PIBF1: variants seen among roughly 807,000 people sequenced by gnomAD.
PIBF1 encodes the protein progesterone-induced-blocking factor 1.
PIBF1 carries 90 observed loss-of-function variants against 112.5 expected under a neutral mutation model. That is an observed-to-expected ratio of 0.80 (90% CI 0.67 to 0.95). The LOEUF is 0.95. Ranked by LOEUF, PIBF1 falls within the 40% of genes least tolerant of loss-of-function variation. PIBF1 has a pLI of 0.00. For synonymous variants in PIBF1, 301 were observed against 288.6 expected (o/e 1.04, Z -0.44); for missense variants, 915 against 852.3 (o/e 1.07, Z -0.92).
At chr13:72,914,615 A>G (rs1566441619) in intron 12 of PIBF1, among the ~76,000 whole-genome samples, 2 of 152,126 alleles carry the variant, frequency 1.3e-5, no homozygotes, top group Admixed American at 6.6e-5. Context: ...ACAGGGTCTC[A>G]CTGTGTTGCC....
chr13:72,872,227 G>T (rs1246923782), intron 10 of PIBF1, among the ~76,000 whole-genome samples: 1 of 152,096 alleles, frequency 6.6e-6, no homozygotes, highest in Admixed American at 6.5e-5. Context: ...GATTATTACG[G>T]GATTCAGTAA....
chr13:72,793,204 A>T (rs1437963905), intron 3 of PIBF1, among the ~76,000 whole-genome samples: 1 of 152,338 alleles, frequency 6.6e-6, no homozygotes, highest in Admixed American at 6.5e-5. Context: ...AAATCAAATC[A>T]TACCTCTGTA....
At chr13:72,786,910 T>C (rs2034629143) in intron 2 of PIBF1, among the ~76,000 whole-genome samples, 1 of 152,210 alleles carries the variant, frequency 6.6e-6, no homozygotes, top group South Asian at 2.1e-4. Flanking sequence ...AGCACCTCTG[T>C]TGTAAGATGC....
At chr13:72,901,167 C>T (rs1212526672) in intron 11 of PIBF1, 4 of 343,126 alleles carry the variant, frequency 1.2e-5, no homozygotes, top group Admixed American at 3.9e-5. Flanking sequence ...ATCTATATAT[C>T]TGACAAAGGA....
chr13:72,827,741 C>G lies in PIBF1; in HGVS notation c.924C>G (p.Thr308=). ...TTTCTACATGTATGTAGGTAGTCACCTTAGAGCAAACTGTTACTTTACTGC... is the reference window on the plus strand; with the variant it reads ...TTTCTACATGTATGTAGGTAGTCACGTTAGAGCAAACTGTTACTTTACTGC... ...ERSELSKEVV[T]LEQTVTLLQK... The change falls in exon 8 of 18, where the codon ACC becomes ACG. Residue 308 remains threonine, a synonymous_variant. Transcript: ENST00000326291. 1.3e-6 allele frequency: 2 copies of G among 1,580,620 alleles called. No homozygotes were observed. The highest frequency in any genetic ancestry group is 1.2e-5 in the South Asian group (1 of 83,570).
intron 14 of PIBF1, among the ~76,000 whole-genome samples, chr13:72,936,858 A>G (rs1417973460): frequency 6.6e-6 from 1 of 152,170 alleles, no homozygotes; most frequent in Non-Finnish European, 1.5e-5. Flanking sequence ...AGTTGAATAT[A>G]TAGATGAAGC....
chr13:72,784,765 T>A (rs932453871), intron 2 of PIBF1, among the ~76,000 whole-genome samples: 2 of 151,964 alleles, frequency 1.3e-5, no homozygotes, highest in Non-Finnish European at 2.9e-5. Context: ...CTCAAAAAAA[T>A]AATAATAATA....
At chr13:72,982,587 G>T (rs1433991377) in intron 16 of PIBF1, among the ~76,000 whole-genome samples, 2 of 151,996 alleles carry the variant, frequency 1.3e-5, no homozygotes, top group Admixed American at 6.6e-5. Flanking sequence ...TTAAGCATCT[G>T]TCTTACCCAT....
At chr13:72,995,543 T>A (rs1053880578) in intron 16 of PIBF1, among the ~76,000 whole-genome samples, 13 of 152,154 alleles carry the variant, frequency 8.5e-5, no homozygotes, top group Non-Finnish European at 1.9e-4. Flanking sequence ...AAAAATGGTC[T>A]CTTCAGTACA....
intron 10 of PIBF1, among the ~76,000 whole-genome samples, chr13:72,860,731 A>G (rs994237347): frequency 6.6e-6 from 1 of 152,172 alleles, no homozygotes; most frequent in Non-Finnish European, 1.5e-5. Context: ...TATAAAGAGA[A>G]ATGTATGGAA....
chr13:72,894,831 T>C (rs2040213869), intron 11 of PIBF1, among the ~76,000 whole-genome samples: 2 of 148,926 alleles, frequency 1.3e-5, no homozygotes, highest in Admixed American at 6.7e-5. Context: ...TAGAAGTAAA[T>C]ACAGATGATC....
At chr13:72,889,728 A>AAAG (rs2039986589) in intron 10 of PIBF1, among the ~76,000 whole-genome samples, 1 of 152,088 alleles carries the variant, frequency 6.6e-6, no homozygotes, top group African/African-American at 2.4e-5. Flanking sequence ...CAGCTGCTGC[A>AAAG]CTATCTTACT....
chr13:72,985,516 C>A (rs138120376), intron 16 of PIBF1, among the ~76,000 whole-genome samples: 27 of 151,908 alleles, frequency 1.8e-4, no homozygotes, highest in African/African-American at 5.6e-4. Flanking sequence ...TGCACTCCAG[C>A]GTGGGCAACA....
intron 15 of PIBF1, among the ~76,000 whole-genome samples, chr13:72,971,059 AAC>A (rs1290842072): frequency 4.6e-5 from 7 of 152,130 alleles, no homozygotes; most frequent in African/African-American, 1.7e-4. Context: ...GAAAAGTTAA[AAC>A]ACGACAATAT....
intron 16 of PIBF1, among the ~76,000 whole-genome samples, chr13:72,994,980 T>C (rs1286444767): frequency 6.6e-6 from 1 of 152,112 alleles, no homozygotes; most frequent in Non-Finnish European, 1.5e-5. Context: ...TCAAATACTT[T>C]CATGGCTGTG....
At chr13:72,889,116 GATAA>G (rs2039965405) in intron 10 of PIBF1, among the ~76,000 whole-genome samples, 1 of 152,074 alleles carries the variant, frequency 6.6e-6, no homozygotes, top group South Asian at 2.1e-4. Flanking sequence ...CAGTGGATTT[GATAA>G]ATTATTTATA....
At chr13:72,906,679 T>C (rs1455392424) in intron 11 of PIBF1, among the ~76,000 whole-genome samples, 1 of 152,168 alleles carries the variant, frequency 6.6e-6, no homozygotes, top group East Asian at 1.9e-4. Context: ...GAAGATATTT[T>C]TTAAATTACA....
intron 10 of PIBF1, among the ~76,000 whole-genome samples, chr13:72,858,003 A>G (rs118038360): frequency 0.017 from 2,076 of 125,568 alleles, 31 homozygotes; most frequent in Non-Finnish European, 0.021. Flanking sequence ...GATAATACCT[A>G]TCAGAAGTAC....
At chr13:72,961,545 A>C (rs2042608408) in intron 14 of PIBF1, among the ~76,000 whole-genome samples, 3 of 152,324 alleles carry the variant, frequency 2.0e-5, no homozygotes, top group Middle Eastern at 6.8e-3. Context: ...AAAGAATGGA[A>C]AAATGTTTAA....
Sources: allele counts gnomAD v4.1 joint callset (sites outside exome capture counted in the v4.1 genomes callset), GRCh38; gene constraint gnomAD v4.1.1; transcripts MANE v1.5; gene names NCBI Gene and HGNC (gene_info 2026-07-23, HGNC 2026-07-21).